The following SLC1A6 variants were observed in gnomAD, a reference collection of about 807,000 sequenced individuals.
SLC1A6 encodes solute carrier family 1 member 6, also known as excitatory amino acid transporter 4.
In SLC1A6, 15 loss-of-function variants were observed where a neutral mutation model predicts 42.1. The observed-to-expected ratio is 0.36, with a 90% confidence interval of 0.24 to 0.55. The LOEUF is 0.55. SLC1A6 is among the 20% of genes least tolerant of loss of function. The probability of loss-of-function intolerance (pLI) is 0.88; values close to 1 mark genes in which losing one functional copy is unlikely to be tolerated. For missense variants in SLC1A6, 542 were observed against 772.5 expected, an observed-to-expected ratio of 0.70 and a Z score of 3.54; for synonymous variants, 317 against 319.7, an observed-to-expected ratio of 0.99 and a Z score of 0.09.
intron 1 of SLC1A6, among the ~76,000 whole-genome samples, chr19:14,987,908 A>AATTC (rs1192434376): frequency 6.6e-6 from 1 of 152,124 alleles, no homozygotes; most frequent in Non-Finnish European, 1.5e-5. Context: ...GCCCAGGCTG[A>AATTC]AGTGCAGTAG....
chr19:15,008,478 A>C (rs2045907243), intron 1 of SLC1A6, among the ~76,000 whole-genome samples: 1 of 152,172 alleles, frequency 6.6e-6, no homozygotes, highest in South Asian at 2.1e-4. Flanking sequence ...AAATTAGTAC[A>C]ACCTCTAGGG....
intron 1 of SLC1A6, among the ~76,000 whole-genome samples, chr19:15,001,660 C>T (rs1009354948): frequency 2.0e-5 from 3 of 152,222 alleles, no homozygotes; most frequent in Middle Eastern, 3.4e-3. Context: ...CACAGTCTTC[C>T]TAACCTTCTT....
At chr19:15,006,388 G>T (rs925544866) in intron 1 of SLC1A6, among the ~76,000 whole-genome samples, 3 of 152,130 alleles carry the variant, frequency 2.0e-5, no homozygotes, top group African/African-American at 7.2e-5. Flanking sequence ...AGATACCACT[G>T]GTCCCAGCAG....
chr19:14,990,422 G>A (rs1600031381), intron 1 of SLC1A6, among the ~76,000 whole-genome samples: 1 of 152,208 alleles, frequency 6.6e-6, no homozygotes, highest in Non-Finnish European at 1.5e-5. Flanking sequence ...AGAGACTCAA[G>A]TTGGAGGATT....
intron 1 of SLC1A6, among the ~76,000 whole-genome samples, chr19:15,002,191 G>C (rs1447887909): frequency 1.3e-5 from 2 of 152,166 alleles, no homozygotes; most frequent in African/African-American, 4.8e-5. Context: ...CTGGGCTCAA[G>C]CGATCCTCCC....
At position 14,962,267 on chromosome 19, in the gene SLC1A6, T is replaced by C. The variant is rs752001954; in HGVS notation, c.670A>G (p.Met224Val). 7 of 1,614,034 alleles carry C rather than the reference T, an allele frequency of 4.3e-6. No individual in the cohort carries two copies. The East Asian group carries it at 6.7e-5, about 15-fold the overall frequency. Residue 224 changes from methionine (M) to valine (V), a missense_variant, in exon 6 of 10, where the codon ATG becomes GTG. Physicochemically the swap from Met to Val is conservative, Grantham distance 21. Coordinates refer to ENST00000594383, the MANE Select transcript of SLC1A6 (RefSeq NM_005071.3). ...TENGSEPGAS[M>V]PPPFSVENGT... is the part of the protein sequence containing the mutation. ...TTCTCCACTGAGAATGGAGGAGGCATGGAGGCACCCGGCTCAGACCCGTTC... is the reference window on the plus strand; with the variant it reads ...TTCTCCACTGAGAATGGAGGAGGCACGGAGGCACCCGGCTCAGACCCGTTC...
chr19:14,991,690 C>G (rs997871849), intron 1 of SLC1A6, among the ~76,000 whole-genome samples: 3 of 149,724 alleles, frequency 2.0e-5, no homozygotes, highest in Non-Finnish European at 3.0e-5. Context: ...TAAAGGAGTA[C>G]CAAAAAAACC....
chr19:15,004,298 A>G (rs1410498506), intron 1 of SLC1A6, among the ~76,000 whole-genome samples: 2 of 152,176 alleles, frequency 1.3e-5, no homozygotes, highest in Non-Finnish European at 2.9e-5. Context: ...AGTTGTGTAT[A>G]TGCATGCACA....
chr19:14,953,353 T>A (rs2045431370), intron 8 of SLC1A6, among the ~76,000 whole-genome samples: 1 of 149,862 alleles, frequency 6.7e-6, no homozygotes, highest in Non-Finnish European at 1.5e-5. Context: ...TCACTGCAAC[T>A]CACTACTCAA....
Position 14,961,992 on chromosome 19 carries a change from C to A in SLC1A6, c.935+10G>T. ...GCTCCACCATCCCGTGGGCACAGAC[C>A]AGGACTCACCAGATAATGATGCCCA... On this transcript the variant is annotated intron_variant, in intron 6 of 9. Coordinates refer to ENST00000594383, the MANE Select transcript of SLC1A6 (RefSeq NM_005071.3). 1 of 1,609,864 alleles carries A rather than the reference C, an allele frequency of 6.2e-7. No individual in the cohort carries two copies. Among genetic ancestry groups the A allele is most frequent in the South Asian group, 1.1e-5 (1 of 90,500 alleles).
chr19:14,968,214 G>A, intron 4 of SLC1A6, 89 bp downstream of exon 4: 1 of 1,088,928 alleles, frequency 9.2e-7, no homozygotes, highest in Non-Finnish European at 1.3e-6. Context: ...CCAGCCTGTG[G>A]GATGACCTCT....
In SLC1A6 at chr19:14,962,205, C is replaced by T. The variant is rs773865063; in HGVS notation, c.732G>A (p.Leu244=). Reference sequence around the variant, plus strand: ...AGCTCAGCATCTCCTGCAGGGTACCCAAGGCCCGAGTGACATTTTCCAGGA... The same window carrying T: ...AGCTCAGCATCTCCTGCAGGGTACCTAAGGCCCGAGTGACATTTTCCAGGA... ...TSFLENVTRA[L]GTLQEMLSFE... is the part of the protein sequence containing the mutation. Residue 244 remains leucine (L), a synonymous_variant, in exon 6 of 10, where the codon TTG becomes TTA. Coordinates refer to ENST00000594383, the MANE Select transcript of SLC1A6 (RefSeq NM_005071.3). 2 of 1,614,182 alleles carry T rather than the reference C, an allele frequency of 1.2e-6. No homozygotes were observed. The highest frequency in any genetic ancestry group is 2.2e-5 in the South Asian group (2 of 91,082).
At chr19:14,970,142 C>A (rs190414895) in intron 3 of SLC1A6, among the ~76,000 whole-genome samples, 69 of 152,282 alleles carry the variant, frequency 4.5e-4, no homozygotes, top group Non-Finnish European at 3.7e-4. Flanking sequence ...GTGGTGCCAT[C>A]ACAGCTCGCT....
chr19:14,962,270 A>T lies in SLC1A6; in HGVS notation c.667T>A (p.Ser223Thr). The T allele has an allele frequency of 6.2e-7, 1 of 1,614,096 alleles. No individual in the cohort carries two copies. The highest frequency in any genetic ancestry group is 8.5e-7 in the Non-Finnish European group (1 of 1,179,992). Residue 223 changes from serine (S) to threonine (T), a missense_variant, in exon 6 of 10, where the codon TCC (serine) becomes ACC (threonine). Around this residue, in one of 6 missense-constraint regions of SLC1A6, gnomAD observed 298 missense variants for 419.4 expected, o/e 0.71. Coordinates refer to ENST00000594383, the MANE Select transcript of SLC1A6 (RefSeq NM_005071.3). The stretch of plus-strand genomic sequence containing the variant: ...TCCACTGAGAATGGAGGAGGCATGG[A>T]GGCACCCGGCTCAGACCCGTTCTCT... ...RTENGSEPGA[S>T]MPPPFSVENG...
chr19:14,970,369 C>T (rs1209796916), intron 3 of SLC1A6, among the ~76,000 whole-genome samples: 1 of 152,104 alleles, frequency 6.6e-6, no homozygotes, highest in East Asian at 1.9e-4. Flanking sequence ...CCTCACCTGG[C>T]CTGATTTTCT....
At chr19:14,956,434 G>A (rs2045463725) in intron 7 of SLC1A6, 42 bp downstream of exon 7, 1 of 1,352,114 alleles carries the variant, frequency 7.4e-7, no homozygotes, top group Non-Finnish European at 1.0e-6. Flanking sequence ...AGGACAAGAA[G>A]TGCAACCAGG....
At chr19:14,978,963 A>C (rs1046770220) in intron 1 of SLC1A6, among the ~76,000 whole-genome samples, 1 of 150,460 alleles carries the variant, frequency 6.6e-6, no homozygotes, top group Non-Finnish European at 1.5e-5. Context: ...CAGACTTTCA[A>C]AATCATCCTC....
intron 4 of SLC1A6, among the ~76,000 whole-genome samples, chr19:14,967,467 G>A (rs765383316): frequency 1.3e-5 from 2 of 152,156 alleles, no homozygotes; most frequent in Non-Finnish European, 2.9e-5. Context: ...GGGACAGGAG[G>A]TCAGACACGC....
intron 1 of SLC1A6, among the ~76,000 whole-genome samples, chr19:15,010,169 G>A (rs2045918245): frequency 8.8e-6 from 1 of 113,214 alleles, no homozygotes; most frequent in African/African-American, 3.0e-5. Flanking sequence ...CCAGACGACA[G>A]TGCAAGACTC....
Sources: allele counts gnomAD v4.1 joint callset (sites outside exome capture counted in the v4.1 genomes callset), GRCh38; gene constraint gnomAD v4.1.1; regional missense constraint gnomAD v4.1.1; transcripts MANE v1.5; gene names NCBI Gene and HGNC (gene_info 2026-07-23, HGNC 2026-07-21).